The following MID1 variants were observed in gnomAD, a reference collection of about 807,000 sequenced individuals.
The protein encoded by MID1 is E3 ubiquitin-protein ligase Midline-1.
In MID1, 7 loss-of-function variants were observed where a neutral mutation model predicts 40.4. The observed-to-expected ratio is 0.17, with a 90% CI of 0.10 to 0.33. MID1 has a LOEUF of 0.33. Ranked by LOEUF, MID1 falls within the 10% of genes least tolerant of loss-of-function variation. MID1 has a pLI of 1.00. For synonymous variants in MID1, 229 were observed against 221.2 expected (o/e 1.04, Z -0.31); for missense variants, 367 against 558.5 (o/e 0.66, Z 3.46).
chrX:10,579,202 C>T (rs192375230), intron 1 of MID1, among the ~76,000 whole-genome samples: 312 of 111,833 alleles, frequency 2.8e-3, no homozygotes, highest in Middle Eastern at 0.014. Flanking sequence ...CAAAAGGTCA[C>T]CTGGAAATGA....
chrX:10,736,722 T>G (rs988781810), intron 1 of MID1, among the ~76,000 whole-genome samples: 4 of 112,459 alleles, frequency 3.6e-5, no homozygotes, highest in Admixed American at 9.4e-5. Flanking sequence ...GAGCTATGGC[T>G]TATTGCCTTT....
intron 1 of MID1, among the ~76,000 whole-genome samples, chrX:10,663,843 A>G (rs772077103): frequency 7.4e-4 from 83 of 112,094 alleles, no homozygotes; most frequent in African/African-American, 2.1e-3. Flanking sequence ...TATAAATATC[A>G]AACCTATGTA....
At chrX:10,751,513 C>T (rs1238087790) in intron 1 of MID1, among the ~76,000 whole-genome samples, 1 of 108,996 alleles carries the variant, frequency 9.2e-6, no homozygotes, top group Non-Finnish European at 1.9e-5. Flanking sequence ...TGCCTGTGGT[C>T]CCAGCTACTC....
At chrX:10,726,138 G>A (rs2043389296) in intron 1 of MID1, among the ~76,000 whole-genome samples, 1 of 111,456 alleles carries the variant, frequency 9.0e-6, no homozygotes, top group Admixed American at 9.6e-5. Flanking sequence ...TTTTCTTTTA[G>A]CCTTATTTTA....
chrX:10,521,301 G>A (rs1030423507), intron 3 of MID1, among the ~76,000 whole-genome samples: 4 of 110,523 alleles, frequency 3.6e-5, no homozygotes, highest in African/African-American at 1.3e-4. Flanking sequence ...AGATTGGGGC[G>A]GGGACATCTC....
At chrX:10,735,343 C>T (rs927749004) in intron 1 of MID1, among the ~76,000 whole-genome samples, 22 of 112,363 alleles carry the variant, frequency 2.0e-4, no homozygotes, top group Admixed American at 5.6e-4. Flanking sequence ...CTCAGGTGAT[C>T]CGTCTGCCTC....
intron 1 of MID1, among the ~76,000 whole-genome samples, chrX:10,580,685 A>G (rs1934989691): frequency 9.0e-6 from 1 of 111,332 alleles, no homozygotes; most frequent in African/African-American, 3.3e-5. Context: ...TTTGCGCTCC[A>G]TTAAAAATTT....
At position 10,790,514 on chromosome X, in the gene MID1, T is replaced by G. The variant is rs1274171403; in HGVS notation, c.-187+43040A>C. Among the ~76,000 whole-genome samples, 5 of 110,473 alleles carry G rather than the reference T, an allele frequency of 4.5e-5. No homozygotes were observed. In the East Asian group the frequency reaches 1.4e-3, roughly 32 times the overall value. On this transcript the variant is annotated intron_variant, in intron 1 of 10. Coordinates refer to the MID1 transcript ENST00000380785. Reference sequence around the variant, plus strand: ...TGGTAAAAAATCTGAAGGCTGCAGGTAATGGACATCCAGGTATTTTCATCC... The same window carrying G: ...TGGTAAAAAATCTGAAGGCTGCAGGGAATGGACATCCAGGTATTTTCATCC...
At chrX:10,673,136 G>C (rs939578379) in intron 1 of MID1, among the ~76,000 whole-genome samples, 1 of 111,745 alleles carries the variant, frequency 8.9e-6, no homozygotes, top group Non-Finnish European at 1.9e-5. Flanking sequence ...CTAATGCACT[G>C]ATATATTTAG....
intron 1 of MID1, among the ~76,000 whole-genome samples, chrX:10,626,167 A>C (rs1935993653): frequency 9.0e-6 from 1 of 111,088 alleles, no homozygotes; most frequent in African/African-American, 3.3e-5. Context: ...TATAGATATT[A>C]TGGCAGAGAC....
intron 1 of MID1, among the ~76,000 whole-genome samples, chrX:10,573,630 T>C (rs6530404): frequency 0.1 from 11,275 of 111,986 alleles, 931 homozygotes; most frequent in African/African-American, 0.28. Flanking sequence ...ACTGAAACTG[T>C]ACTTTCCTAG....
At chrX:10,516,232 TC>T (rs779756931) in intron 3 of MID1, among the ~76,000 whole-genome samples, 584 of 99,204 alleles carry the variant, frequency 5.9e-3, no homozygotes, top group Middle Eastern at 0.026. Context: ...TCTCGCTCTG[TC>T]CCCCAGGCTG....
chrX:10,794,004 C>G (rs1411658946), intron 1 of MID1, among the ~76,000 whole-genome samples: 1 of 111,800 alleles, frequency 8.9e-6, no homozygotes, highest in Non-Finnish European at 1.9e-5. Flanking sequence ...TTCCCTGCCA[C>G]TTCTCTGTCC....
At chrX:10,573,490 G>A (rs891321293) in intron 1 of MID1, among the ~76,000 whole-genome samples, 10 of 111,928 alleles carry the variant, frequency 8.9e-5, no homozygotes, top group Admixed American at 2.8e-4. Flanking sequence ...GGCATCAAGC[G>A]ATTTGTGAAG....
intron 1 of MID1, among the ~76,000 whole-genome samples, chrX:10,677,044 G>A (rs2043027658): frequency 1.8e-5 from 2 of 111,343 alleles, no homozygotes; most frequent in Non-Finnish European, 3.8e-5. Context: ...AATCTATCTG[G>A]CACCTCATTT....
intron 1 of MID1, among the ~76,000 whole-genome samples, chrX:10,626,113 A>G (rs953627982): frequency 9.0e-6 from 1 of 110,707 alleles, no homozygotes; most frequent in Non-Finnish European, 1.9e-5. Flanking sequence ...CAAAAAAAGG[A>G]AGCATTGTTA....
intron 1 of MID1, among the ~76,000 whole-genome samples, chrX:10,794,183 C>T (rs981002962): frequency 4.5e-5 from 5 of 112,118 alleles, no homozygotes; most frequent in African/African-American, 1.6e-4. Flanking sequence ...AGCACATAGT[C>T]TTGGCTCTGT....
At chrX:10,508,356 T>C (rs1205314900) in intron 3 of MID1, among the ~76,000 whole-genome samples, 1 of 112,808 alleles carries the variant, frequency 8.9e-6, no homozygotes, top group East Asian at 2.8e-4. Context: ...CATTTTTACA[T>C]TGATTACATG....
At chrX:10,598,807 C>A (rs1028754179) in intron 1 of MID1, among the ~76,000 whole-genome samples, 1 of 111,836 alleles carries the variant, frequency 8.9e-6, no homozygotes, top group African/African-American at 3.3e-5. Context: ...TTCGTCTGGC[C>A]AACAGCTCGA....
Sources: gnomAD v4.1 joint callset for allele counts (sites outside exome capture counted in the v4.1 genomes callset) on GRCh38, gnomAD v4.1.1 for gene constraint, MANE v1.5 for transcripts, NCBI Gene and HGNC (gene_info 2026-07-23, HGNC 2026-07-21) for gene names.